MTUS2: variants seen among roughly 807,000 people sequenced by gnomAD.
MTUS2 encodes the protein microtubule-associated tumor suppressor candidate 2.
In MTUS2, 40 loss-of-function variants were observed where a neutral mutation model predicts 114.1. The ratio of observed to expected loss-of-function variants is 0.35; its 90% confidence interval spans 0.27 to 0.46. The LOEUF (loss-of-function observed/expected upper bound fraction) is 0.46. Ranked by LOEUF, MTUS2 falls within the 20% of genes least tolerant of loss-of-function variation. MTUS2 has a pLI of 1.00. For missense variants in MTUS2, 1,679 were observed against 1,705.4 expected (o/e 0.98, Z 0.27); for synonymous variants, 688 against 672.0 (o/e 1.02, Z -0.37).
intron 2 of MTUS2, among the ~76,000 whole-genome samples, chr13:28,879,253 C>T (rs1018936726): frequency 6.6e-6 from 1 of 152,022 alleles, no homozygotes; most frequent in Non-Finnish European, 1.5e-5. Flanking sequence ...AAATTTTCTT[C>T]CATTCTGTAG....
Position 29,359,409 on chromosome 13 carries a change from A to G in MTUS2, c.3053A>G (p.Glu1018Gly), listed in dbSNP as rs755016474. The G allele has an allele frequency of 8.7e-6, 14 of 1,613,432 alleles. No homozygotes were observed. In the African/African-American group the frequency reaches 1.9e-4, roughly 22 times the overall value. ...QTRQLGVAQGELKRAICGFDA... is the reference protein window; with the variant it reads ...QTRQLGVAQGGLKRAICGFDA... ...AGACAGCTGGGCGTTGCGCAAGGGG[A>G]GCTGAAGAGGGCCATCTGCGGCTTT... The change falls in exon 8 of 16, where the codon GAG becomes GGG. Residue 1018 changes from glutamate to glycine, a missense_variant. Glu to Gly is a moderately conservative substitution (Grantham distance 98). Around this residue, in one of 3 missense-constraint regions of MTUS2, gnomAD observed 822 missense variants for 899.7 expected, o/e 0.91. Transcript: ENST00000612955.
intron 2 of MTUS2, among the ~76,000 whole-genome samples, chr13:28,891,984 T>C (rs2137916382): frequency 6.6e-6 from 1 of 152,170 alleles, no homozygotes; most frequent in Middle Eastern, 3.4e-3. Flanking sequence ...AGCTGCTATT[T>C]TCCCCGGGAA....
intron 9 of MTUS2, among the ~76,000 whole-genome samples, chr13:29,460,026 C>T (rs77241081): frequency 0.046 from 6,944 of 152,300 alleles, 205 homozygotes; most frequent in South Asian, 0.068. Flanking sequence ...ACAGGTATAT[C>T]ATTCATAATC....
chr13:28,900,833 A>G (rs542731330), intron 2 of MTUS2, among the ~76,000 whole-genome samples: 22 of 152,248 alleles, frequency 1.4e-4, no homozygotes, highest in Non-Finnish European at 2.6e-4. Context: ...GTGAGACTCA[A>G]TTCAGCGCTT....
intron 2 of MTUS2, among the ~76,000 whole-genome samples, chr13:28,983,141 C>A (rs375221798): frequency 6.6e-6 from 1 of 152,204 alleles, no homozygotes; most frequent in Admixed American, 6.5e-5. Context: ...TGGCTGTCAT[C>A]TCCTTCAGGT....
intron 4 of MTUS2, among the ~76,000 whole-genome samples, chr13:29,093,946 G>T (rs1890069058): frequency 2.6e-5 from 4 of 152,098 alleles, no homozygotes. Context: ...TTTTTATCAT[G>T]TGGTTTATCT....
intron 2 of MTUS2, among the ~76,000 whole-genome samples, chr13:28,913,445 G>A (rs757824967): frequency 6.6e-6 from 1 of 152,128 alleles, no homozygotes; most frequent in African/African-American, 2.4e-5. Flanking sequence ...AACCAATCTT[G>A]CGTCACGGGG....
chr13:29,051,173 G>A (rs2138602996), intron 4 of MTUS2, among the ~76,000 whole-genome samples: 1 of 152,308 alleles, frequency 6.6e-6, no homozygotes, highest in Non-Finnish European at 1.5e-5. Context: ...AGGACAGCTG[G>A]GAGGATGGAA....
At chr13:29,368,886 G>C (rs1870963265) in intron 8 of MTUS2, among the ~76,000 whole-genome samples, 1 of 152,212 alleles carries the variant, frequency 6.6e-6, no homozygotes, top group Non-Finnish European at 1.5e-5. Context: ...GAGGGAAGCT[G>C]ACCTGGGACA....
intron 1 of MTUS2, among the ~76,000 whole-genome samples, chr13:28,832,466 A>G (rs1265300025): frequency 6.6e-6 from 1 of 151,236 alleles, no homozygotes; most frequent in Non-Finnish European, 1.5e-5. Flanking sequence ...AATGAAAACA[A>G]AAACACAAAC....
At position 29,397,897 on chromosome 13, in the gene MTUS2, A is replaced by G. The variant is rs1378614282; in HGVS notation, c.3117+38424A>G. Among the ~76,000 whole-genome samples the G allele has an allele frequency of 2.0e-5, 3 of 152,388 alleles. No individual in the cohort carries two copies. In the East Asian group the frequency reaches 5.8e-4, roughly 29 times the overall value. ...AAACCAGGTTTGTTTAATATATATT[A>G]GAGTAAAATCATTATATTCTTTCAC... On this transcript the variant is annotated intron_variant, in intron 8 of 15. Coordinates refer to ENST00000612955, the MANE Select transcript of MTUS2 (RefSeq NM_001033602.4).
chr13:29,388,592 T>C (rs1872791554), intron 8 of MTUS2, among the ~76,000 whole-genome samples: 1 of 151,992 alleles, frequency 6.6e-6, no homozygotes, highest in Non-Finnish European at 1.5e-5. Flanking sequence ...TTTATAATTG[T>C]CAAAGTCAAT....
chr13:28,891,607 C>T (rs900177930), intron 2 of MTUS2, among the ~76,000 whole-genome samples: 2 of 152,092 alleles, frequency 1.3e-5, no homozygotes, highest in East Asian at 3.9e-4. Context: ...AGGCTGGGCA[C>T]GGTGGCTCAT....
chr13:28,999,180 CA>C (rs1448377127), intron 2 of MTUS2, among the ~76,000 whole-genome samples: 1 of 152,208 alleles, frequency 6.6e-6, no homozygotes, highest in Non-Finnish European at 1.5e-5. Context: ...GCCTGGGTAT[CA>C]GCAGTGGTGG....
At chr13:29,293,251 C>CA (rs1220244175) in intron 6 of MTUS2, among the ~76,000 whole-genome samples, 1 of 151,852 alleles carries the variant, frequency 6.6e-6, no homozygotes, top group Non-Finnish European at 1.5e-5. Context: ...AAATCATAAG[C>CA]AAAAAACAAC....
At chr13:29,282,171 A>G (rs992888803) in intron 6 of MTUS2, among the ~76,000 whole-genome samples, 1 of 152,240 alleles carries the variant, frequency 6.6e-6, no homozygotes. Context: ...TGCTGACGAT[A>G]TCATCGCAAG....
At chr13:29,376,755 TCTG>T (rs1441282758) in intron 8 of MTUS2, among the ~76,000 whole-genome samples, 3 of 152,194 alleles carry the variant, frequency 2.0e-5, no homozygotes, top group Non-Finnish European at 4.4e-5. Context: ...CCCAATGTTA[TCTG>T]CTGCTTTCAG....
chr13:28,822,234 A>G (rs910879773), intron 1 of MTUS2, among the ~76,000 whole-genome samples: 5 of 152,058 alleles, frequency 3.3e-5, no homozygotes, highest in African/African-American at 1.2e-4. Flanking sequence ...GATCTTATGG[A>G]TGGTTTATGA....
intron 9 of MTUS2, among the ~76,000 whole-genome samples, chr13:29,472,555 C>T (rs1026308669): frequency 3.3e-5 from 5 of 152,084 alleles, no homozygotes; most frequent in Non-Finnish European, 5.9e-5. Context: ...AGCATAGCTC[C>T]GCCTGGTGGT....
Sources: gnomAD v4.1 joint callset for allele counts (sites outside exome capture counted in the v4.1 genomes callset) on GRCh38, gnomAD v4.1.1 for gene constraint, gnomAD v4.1.1 regional missense constraint, MANE v1.5 for transcripts, NCBI Gene and HGNC (gene_info 2026-07-23, HGNC 2026-07-21) for gene names.